The following WWP2 variants were observed in gnomAD, a reference collection of about 807,000 sequenced individuals.
The protein encoded by WWP2 is NEDD4-like E3 ubiquitin-protein ligase WWP2.
Under a neutral mutation model 121.0 loss-of-function variants are expected in WWP2, and 57 were observed. The ratio of observed to expected loss-of-function variants is 0.47; its 90% CI spans 0.38 to 0.59. The LOEUF (loss-of-function observed/expected upper bound fraction) is 0.59, where lower values mean the gene tolerates loss of function less well. Ranked by LOEUF, WWP2 falls within the 20% of genes least tolerant of loss-of-function variation. The probability of loss-of-function intolerance (pLI) is 0.00; values close to 1 mark genes in which losing one functional copy is unlikely to be tolerated. For synonymous variants in WWP2, 449 were observed against 441.3 expected, an observed-to-expected ratio of 1.02 and a Z score of -0.22; for missense variants, 962 against 1,158.9, an observed-to-expected ratio of 0.83 and a Z score of 2.47.
At chr16:69,918,303 CT>C (rs2058505774) in intron 10 of WWP2, among the ~76,000 whole-genome samples, 1 of 152,084 alleles carries the variant, frequency 6.6e-6, no homozygotes, top group African/African-American at 2.4e-5. Context: ...AAACAAAAAC[CT>C]GCTACTGTTT....
chr16:69,787,649 C>T (rs1429423857), intron 2 of WWP2, among the ~76,000 whole-genome samples: 1 of 152,202 alleles, frequency 6.6e-6, no homozygotes, highest in African/African-American at 2.4e-5. Flanking sequence ...TGCCCTAGGG[C>T]TCGTTGCTAC....
chr16:69,799,034 G>C lies in WWP2; in HGVS notation c.219-140G>C. 2.9e-6 allele frequency: 4 copies of C among 1,399,000 alleles called. No individual in the cohort carries two copies. Among genetic ancestry groups the C allele is most frequent in the Non-Finnish European group, 3.9e-6 (4 of 1,032,710 alleles). The allele number at this position is 1,399,000 out of a possible 1,614,324, so 86.7% of individuals were successfully genotyped here. On this transcript the variant is annotated intron_variant, in intron 3 of 23. Transcript: ENST00000359154. The surrounding 1 kb of genome is among the most constrained non-coding windows in gnomAD (Gnocchi z 4.5). ...TCTAGAGGGTTACAGGGTCAGCTTT[G>C]AGAGGGGAAAGGATATATGTGGGTG...
intron 9 of WWP2, among the ~76,000 whole-genome samples, chr16:69,917,046 A>C (rs2058488982): frequency 6.6e-6 from 1 of 152,198 alleles, no homozygotes; most frequent in South Asian, 2.1e-4. Context: ...AAACAAAACC[A>C]AAGACCATGC....
intron 6 of WWP2, among the ~76,000 whole-genome samples, chr16:69,867,889 C>T (rs2057557805): frequency 1.3e-5 from 2 of 152,124 alleles, no homozygotes; most frequent in African/African-American, 4.8e-5. Flanking sequence ...TGGGCAGAGC[C>T]GAGCCTGGCT....
At chr16:69,854,589 C>T (rs1026107644) in intron 6 of WWP2, among the ~76,000 whole-genome samples, 8 of 151,732 alleles carry the variant, frequency 5.3e-5, no homozygotes, top group South Asian at 4.1e-4. Flanking sequence ...CTTGCTCTGT[C>T]GCCCAGGCTG....
chr16:69,877,931 C>T (rs1056738053), intron 7 of WWP2, among the ~76,000 whole-genome samples: 1 of 152,160 alleles, frequency 6.6e-6, no homozygotes, highest in Non-Finnish European at 1.5e-5. Flanking sequence ...CCTCAGCCCC[C>T]CCAGTAGCTG....
At chr16:69,856,314 C>A (rs1359901413) in intron 6 of WWP2, among the ~76,000 whole-genome samples, 1 of 152,108 alleles carries the variant, frequency 6.6e-6, no homozygotes, top group African/African-American at 2.4e-5. Flanking sequence ...GAGGGATTGA[C>A]TGCAAAGGGG....
rs1402407487 is a variant in WWP2 at position 69,925,299 on chromosome 16, C to T, written c.1180-131C>T. ...AGAGGAGCAGATGCCACCTAAAGTCCCACTGCATTCCCTGCAAAGCGCTCA... is the reference window on the plus strand; with the variant it reads ...AGAGGAGCAGATGCCACCTAAAGTCTCACTGCATTCCCTGCAAAGCGCTCA... On this transcript the variant is annotated intron_variant, in intron 10 of 23. Transcript: ENST00000359154. This position sits in a 1 kb window ranked among gnomAD's most constrained non-coding sequence, Gnocchi z 4.0. 2.7e-6 allele frequency: 4 copies of T among 1,492,874 alleles called. No homozygotes were observed. Among genetic ancestry groups the T allele is most frequent in the Non-Finnish European group, 3.6e-6 (4 of 1,118,394 alleles). 92.5% of individuals were successfully genotyped at this position (1,492,874 alleles called of 1,614,324 possible). A position where few individuals can be genotyped will look rare whatever the true frequency, so the allele number is the denominator to read the frequency against.
chr16:69,831,746 A>G (rs2056796676), intron 4 of WWP2, among the ~76,000 whole-genome samples: 1 of 145,800 alleles, frequency 6.9e-6, no homozygotes, highest in South Asian at 2.1e-4. Context: ...TTTAAACTAT[A>G]TTTTGTCAAA....
intron 9 of WWP2, chr16:69,910,527 A>G (rs2058363926): frequency 8.8e-6 from 2 of 228,538 alleles, no homozygotes; most frequent in Non-Finnish European, 1.4e-5. Flanking sequence ...CTCCTGTCTC[A>G]GCCTCCTAAG....
intron 10 of WWP2, among the ~76,000 whole-genome samples, chr16:69,918,144 G>A (rs930370496): frequency 2.0e-5 from 3 of 152,046 alleles, no homozygotes; most frequent in Non-Finnish European, 4.4e-5. Context: ...TTCCGAGATC[G>A]GCTTTCATTT....
intron 1 of WWP2, among the ~76,000 whole-genome samples, chr16:69,779,711 C>G (rs1316217796): frequency 6.6e-6 from 1 of 152,096 alleles, no homozygotes; most frequent in East Asian, 1.9e-4. Flanking sequence ...AAGAAAGAGT[C>G]CCAATAGAAG....
intron 4 of WWP2, among the ~76,000 whole-genome samples, chr16:69,824,973 GT>G (rs1410972022): frequency 1.3e-5 from 2 of 151,992 alleles, no homozygotes; most frequent in Non-Finnish European, 2.9e-5. Context: ...GTTTCACTTT[GT>G]TGGCCAGGCT....
intron 8 of WWP2, among the ~76,000 whole-genome samples, chr16:69,893,011 T>C (rs1487525164): frequency 2.6e-5 from 4 of 152,228 alleles, no homozygotes; most frequent in Admixed American, 6.5e-5. Flanking sequence ...TCCACATCTC[T>C]GCCTAAGCCA....
intron 13 of WWP2, 43 bp downstream of exon 13, chr16:69,930,301 C>T (rs1271589344): frequency 6.2e-7 from 1 of 1,603,790 alleles, no homozygotes; most frequent in South Asian, 1.1e-5. Flanking sequence ...GGAGCCGAGG[C>T]CCAGGCTGTC....
intron 8 of WWP2, among the ~76,000 whole-genome samples, chr16:69,905,826 A>G (rs905863345): frequency 6.6e-6 from 1 of 152,228 alleles, no homozygotes; most frequent in African/African-American, 2.4e-5. Context: ...TCAGCAAAGC[A>G]TGGTGAAACT....
At chr16:69,820,651 C>T (rs1437925761) in intron 4 of WWP2, among the ~76,000 whole-genome samples, 1 of 132,076 alleles carries the variant, frequency 7.6e-6, no homozygotes, top group African/African-American at 2.5e-5. Context: ...CCCTGTTTCT[C>T]TTCTCTGCTT....
At chr16:69,911,184 A>G (rs533871945) in intron 9 of WWP2, among the ~76,000 whole-genome samples, 1 of 152,270 alleles carries the variant, frequency 6.6e-6, no homozygotes, top group African/African-American at 2.4e-5. Flanking sequence ...TCACTTAATC[A>G]TGGCCGTCCC....
chr16:69,869,488 G>A (rs954572678), intron 6 of WWP2, among the ~76,000 whole-genome samples: 2 of 151,350 alleles, frequency 1.3e-5, no homozygotes, highest in African/African-American at 4.9e-5. Flanking sequence ...GGACCACAGG[G>A]GCACGCCACC....
Sources: gnomAD v4.1 joint callset for allele counts (sites outside exome capture counted in the v4.1 genomes callset) on GRCh38, gnomAD v4.1.1 for gene constraint, Gnocchi (gnomAD v3.1) non-coding constraint, MANE v1.5 for transcripts, NCBI Gene and HGNC (gene_info 2026-07-23, HGNC 2026-07-21) for gene names.